EIF3H: variants seen among roughly 807,000 people sequenced by gnomAD.
EIF3H encodes the protein eIF-3-gamma.
EIF3H carries 26 observed loss-of-function variants against 44.2 expected under a neutral mutation model. The ratio of observed to expected loss-of-function variants is 0.59; its 90% confidence interval spans 0.43 to 0.82. The LOEUF (loss-of-function observed/expected upper bound fraction) is 0.82. Among genes scored for constraint, EIF3H ranks in the 40% least tolerant of loss-of-function variants. The pLI is 0.00. For synonymous variants in EIF3H, 166 were observed against 151.9 expected, an observed-to-expected ratio of 1.09 and a Z score of -0.68; for missense variants, 359 against 432.8, an observed-to-expected ratio of 0.83 and a Z score of 1.51.
intron 2 of EIF3H, among the ~76,000 whole-genome samples, chr8:116,664,537 A>G (rs1434053266): frequency 6.6e-6 from 1 of 152,236 alleles, no homozygotes; most frequent in Non-Finnish European, 1.5e-5. Context: ...TTAAAAAATC[A>G]TCTTTTTGAT....
chr8:116,683,745 CA>C (rs1383762740), intron 2 of EIF3H, among the ~76,000 whole-genome samples: 2 of 152,002 alleles, frequency 1.3e-5, no homozygotes, highest in African/African-American at 4.8e-5. Context: ...TTGGGTAAAG[CA>C]AAAAACAATC....
chr8:116,657,602 TTGC>T (rs544651005), intron 3 of EIF3H: 231 of 374,360 alleles, frequency 6.2e-4, no homozygotes, highest in African/African-American at 4.7e-3. Flanking sequence ...ACTAGTAACC[TTGC>T]TGAAAATTAA....
At chr8:116,654,908 T>TTC (rs1491332956) in intron 5 of EIF3H, among the ~76,000 whole-genome samples, 1 of 31,548 alleles carries the variant, frequency 3.2e-5, no homozygotes, top group Non-Finnish European at 1.4e-4. Flanking sequence ...GTCTGTACAC[T>TTC]TTTTTTTTTT....
intron 1 of EIF3H, among the ~76,000 whole-genome samples, chr8:116,747,495 GT>G (rs1436278833): frequency 2.0e-5 from 3 of 152,190 alleles, no homozygotes; most frequent in African/African-American, 7.2e-5. Flanking sequence ...AAATGTGCAA[GT>G]TTTGGTGCTT....
At chr8:116,758,777 G>C (rs1432596730), upstream of EIF3H, among the ~76,000 whole-genome samples, 2 of 152,114 alleles carry the variant, frequency 1.3e-5, no homozygotes, top group Non-Finnish European at 2.9e-5. Context: ...ACAGATCAAA[G>C]AGGAAGTCTC....
At chr8:116,654,444 T>C (rs953439913) in intron 5 of EIF3H, among the ~76,000 whole-genome samples, 1 of 152,196 alleles carries the variant, frequency 6.6e-6, no homozygotes, top group African/African-American at 2.4e-5. Flanking sequence ...ACATGAATTA[T>C]GTAAGCAAAA....
rs558537841 is a variant in EIF3H at position 116,644,792 on chromosome 8, A to C, written c.*214T>G. The C allele has an allele frequency of 2.1e-4, 110 of 512,416 alleles. 1 individual carries two copies. In the East Asian group the frequency reaches 3.0e-3, roughly 14 times the overall value. The allele number at this position is 512,416 out of a possible 1,614,324, so 31.7% of individuals were successfully genotyped here. ...TAAACAAGTATAAGCAAACAAAAGT[A>C]AGCCAGAGAAAATACATCTAAAATC... is the stretch of plus-strand genomic sequence containing the variant. On this transcript the variant is annotated 3_prime_UTR_variant, in exon 8 of 8. Coordinates refer to ENST00000521861, the MANE Select transcript of EIF3H (RefSeq NM_003756.3).
In EIF3H at chr8:116,755,703, C is replaced by A; in HGVS notation, c.95G>T (p.Gly32Val). 6.2e-7 allele frequency: 1 copy of A among 1,614,198 alleles called. No homozygotes were observed. Among genetic ancestry groups the A allele is most frequent in the South Asian group, 1.1e-5 (1 of 91,092 alleles). ...CTGCACTTGCTTCACGGCTGAATCT[C>A]CCGAGCCGCCTTTGCCTTTGCCTTT... ...AGKGKGKGGSGDSAVKQVQID... is the reference protein window; with the variant it reads ...AGKGKGKGGSVDSAVKQVQID... Residue 32 changes from glycine to valine, a missense_variant, in exon 1 of 8, where the codon GGA becomes GTA. This residue lies in a region of EIF3H where 91 missense variants were observed against 164.6 expected (regional missense o/e 0.55). Coordinates refer to ENST00000521861, the MANE Select transcript of EIF3H (RefSeq NM_003756.3).
intron 2 of EIF3H, among the ~76,000 whole-genome samples, chr8:116,682,486 T>TG (rs1814006458): frequency 6.6e-6 from 1 of 152,150 alleles, no homozygotes; most frequent in African/African-American, 2.4e-5. Context: ...CAAAACCAGA[T>TG]GAAAAACTCC....
intron 1 of EIF3H, among the ~76,000 whole-genome samples, chr8:116,750,498 C>T (rs887514631): frequency 1.3e-5 from 2 of 151,754 alleles, no homozygotes; most frequent in African/African-American, 4.8e-5. Context: ...CAAGCTCCGC[C>T]TCCCCGGTTC....
intron 1 of EIF3H, among the ~76,000 whole-genome samples, chr8:116,750,566 C>T (rs958886377): frequency 1.3e-5 from 2 of 151,998 alleles, no homozygotes; most frequent in Non-Finnish European, 2.9e-5. Context: ...CCCGCCACCA[C>T]GCCCGACTAA....
rs1813505695 is a variant in EIF3H, at chr8:116,657,212, T to TA, written c.557+2dup. On this transcript the variant is annotated splice_region_variant and intron_variant, in intron 4 of 7. Transcript: ENST00000521861. ...CCTTTACCAGATGCCCCCAAACACT[T>TA]ACGCTTCAGGGGAAAAATCCTTTTC... 9.9e-6 allele frequency: 16 copies of TA among 1,610,062 alleles called. No individual in the cohort carries two copies. The highest frequency in any genetic ancestry group is 1.1e-5 in the Non-Finnish European group (13 of 1,176,564).
chr8:116,761,733 G>A (rs1475618484), intron 1 of EIF3H, among the ~76,000 whole-genome samples: 1 of 152,092 alleles, frequency 6.6e-6, no homozygotes, highest in Non-Finnish European at 1.5e-5. Context: ...AAATATCCTC[G>A]AGAAACAGAA....
chr8:116,677,136 G>A (rs537653954), intron 2 of EIF3H, among the ~76,000 whole-genome samples: 16 of 152,008 alleles, frequency 1.1e-4, no homozygotes, highest in Non-Finnish European at 2.2e-4. Context: ...TGTGTATGAC[G>A]GTCTCTATAT....
At chr8:116,719,560 T>C (rs1289234761) in intron 2 of EIF3H, among the ~76,000 whole-genome samples, 1 of 152,256 alleles carries the variant, frequency 6.6e-6, no homozygotes, top group African/African-American at 2.4e-5. Flanking sequence ...AGAGGGAATG[T>C]TACCATCACC....
chr8:116,730,183 G>C (rs1471670809), intron 1 of EIF3H, among the ~76,000 whole-genome samples: 1 of 152,132 alleles, frequency 6.6e-6, no homozygotes, highest in East Asian at 1.9e-4. Context: ...ATTTGGAGCA[G>C]GGGTTCCCAA....
intron 2 of EIF3H, among the ~76,000 whole-genome samples, chr8:116,705,579 T>C (rs904934571): frequency 1.3e-5 from 2 of 149,326 alleles, no homozygotes; most frequent in African/African-American, 4.9e-5. Flanking sequence ...GTAACTCCAG[T>C]TTAATCATGA....
At chr8:116,734,218 T>G (rs1042448641) in intron 1 of EIF3H, 1 of 452,396 alleles carries the variant, frequency 2.2e-6, no homozygotes, top group East Asian at 7.0e-5. Context: ...GATTACAGAT[T>G]GCGGAAATTG....
intron 1 of EIF3H, among the ~76,000 whole-genome samples, chr8:116,754,235 T>C (rs1001801404): frequency 6.6e-6 from 1 of 152,028 alleles, no homozygotes; most frequent in African/African-American, 2.4e-5. Flanking sequence ...CGCCTCAGCC[T>C]CCTGAGTAGC....
Sources: allele counts gnomAD v4.1 joint callset (sites outside exome capture counted in the v4.1 genomes callset), GRCh38; gene constraint gnomAD v4.1.1; regional missense constraint gnomAD v4.1.1; transcripts MANE v1.5; gene names NCBI Gene and HGNC (gene_info 2026-07-23, HGNC 2026-07-21).